CTNNA3: variants seen among roughly 807,000 people sequenced by gnomAD.
CTNNA3 encodes the protein catenin alpha 3.
Under a neutral mutation model 95.7 loss-of-function variants are expected in CTNNA3, and 76 were observed. The ratio of observed to expected loss-of-function variants is 0.79; its 90% CI spans 0.66 to 0.96. The LOEUF (loss-of-function observed/expected upper bound fraction) is 0.96, where lower values mean the gene tolerates loss of function less well. Among genes scored for constraint, CTNNA3 ranks in the 40% least tolerant of loss-of-function variants. The pLI is 0.00. For synonymous variants in CTNNA3, 431 were observed against 374.4 expected (o/e 1.15, Z -1.74); for missense variants, 1,191 against 1,089.8 (o/e 1.09, Z -1.31).
intron 13 of CTNNA3, among the ~76,000 whole-genome samples, chr10:66,155,508 C>T (rs1442761353): frequency 6.6e-6 from 1 of 151,754 alleles, no homozygotes; most frequent in Non-Finnish European, 1.5e-5. Flanking sequence ...CTAAAAATGG[C>T]AAACTGATCA....
chr10:66,760,587 T>G (rs1393102209), intron 9 of CTNNA3, among the ~76,000 whole-genome samples: 1 of 152,180 alleles, frequency 6.6e-6, no homozygotes, highest in African/African-American at 2.4e-5. Flanking sequence ...TCTAAGACAC[T>G]AACATTCCAT....
At chr10:67,422,791 G>A (rs1845792054) in intron 5 of CTNNA3, among the ~76,000 whole-genome samples, 1 of 152,104 alleles carries the variant, frequency 6.6e-6, no homozygotes, top group Non-Finnish European at 1.5e-5. Flanking sequence ...TGTACAGCCT[G>A]TGGAACTGTG....
chr10:67,426,559 GA>G (rs1490268825), intron 5 of CTNNA3, among the ~76,000 whole-genome samples: 1 of 151,970 alleles, frequency 6.6e-6, no homozygotes, highest in African/African-American at 2.4e-5. Flanking sequence ...CACAAGGACA[GA>G]AAACCAAACA....
intron 5 of CTNNA3, among the ~76,000 whole-genome samples, chr10:67,385,690 G>T (rs578240159): frequency 1.3e-5 from 2 of 152,058 alleles, no homozygotes; most frequent in South Asian, 2.1e-4. Flanking sequence ...CTAAACCAAG[G>T]CTGCATGTGA....
At chr10:66,643,781 T>C (rs1281114252) in intron 9 of CTNNA3, among the ~76,000 whole-genome samples, 3 of 152,234 alleles carry the variant, frequency 2.0e-5, no homozygotes, top group East Asian at 3.8e-4. Flanking sequence ...ATAAAAGACA[T>C]ATCCCTTCTC....
At chr10:65,990,502 A>C (rs978529601) in intron 15 of CTNNA3, among the ~76,000 whole-genome samples, 1 of 150,964 alleles carries the variant, frequency 6.6e-6, no homozygotes, top group Non-Finnish European at 1.5e-5. Context: ...GCATGTTTTC[A>C]TATACCTATT....
At chr10:66,114,022 A>G (rs1020034922) in intron 13 of CTNNA3, among the ~76,000 whole-genome samples, 1 of 152,186 alleles carries the variant, frequency 6.6e-6, no homozygotes, top group Non-Finnish European at 1.5e-5. Flanking sequence ...CAACAGTAGC[A>G]GCAGATGGCT....
At chr10:67,734,827 T>C (rs145056374) in intron 1 of CTNNA3, among the ~76,000 whole-genome samples, 28 of 152,298 alleles carry the variant, frequency 1.8e-4, no homozygotes, top group African/African-American at 5.8e-4. Flanking sequence ...TTTATAACCA[T>C]GGAGAATTAT....
In CTNNA3 at chr10:66,883,011, G is replaced by A. The variant is rs191880615; in HGVS notation, c.1048-107487C>T. On this transcript the variant is annotated intron_variant, in intron 7 of 17. Coordinates refer to ENST00000433211, the MANE Select transcript of CTNNA3 (RefSeq NM_013266.4). ...AATTAAATCAGAATCTCTGGGGTGG[G>A]ACCAGGCCTCAGGAATTTTTTAAGA... is the stretch of plus-strand genomic sequence containing the variant. Among the ~76,000 whole-genome samples the A allele has an allele frequency of 3.0e-3, 461 of 152,088 alleles. 2 individuals carry two copies. The highest frequency in any genetic ancestry group is 5.8e-3 in the Non-Finnish European group (395 of 67,968).
chr10:66,653,491 T>C (rs530538139), intron 9 of CTNNA3, among the ~76,000 whole-genome samples: 22 of 152,198 alleles, frequency 1.4e-4, no homozygotes, highest in African/African-American at 5.1e-4. Context: ...TGTTCAATGA[T>C]TAAAAGAGTT....
At chr10:67,671,309 T>C (rs1589555165) in intron 1 of CTNNA3, among the ~76,000 whole-genome samples, 1 of 152,172 alleles carries the variant, frequency 6.6e-6, no homozygotes, top group East Asian at 1.9e-4. Flanking sequence ...AGCAGAACTA[T>C]AGAAAGAACT....
At chr10:66,526,312 A>G (rs1841257846) in intron 10 of CTNNA3, among the ~76,000 whole-genome samples, 2 of 152,182 alleles carry the variant, frequency 1.3e-5, no homozygotes, top group African/African-American at 2.4e-5. Flanking sequence ...CAGCCTCCCA[A>G]GTAGCTGGGA....
At chr10:66,043,958 G>C (rs1160896157) in intron 15 of CTNNA3, among the ~76,000 whole-genome samples, 1 of 12,968 alleles carries the variant, frequency 7.7e-5, no homozygotes, top group Non-Finnish European at 1.9e-4. Context: ...GGACTATGCT[G>C]TGTGTGTGTG....
intron 7 of CTNNA3, among the ~76,000 whole-genome samples, chr10:66,988,311 G>A (rs1289441063): frequency 1.2e-4 from 19 of 152,080 alleles, no homozygotes; most frequent in Non-Finnish European, 7.4e-5. Context: ...TTTGAATTTA[G>A]CTCATTTGGA....
At chr10:67,599,030 G>C (rs1242954272) in intron 3 of CTNNA3, among the ~76,000 whole-genome samples, 2 of 152,286 alleles carry the variant, frequency 1.3e-5, no homozygotes, top group Middle Eastern at 3.4e-3. Flanking sequence ...TTTAAAGTTT[G>C]AATCCTGCAA....
At chr10:66,198,395 A>G (rs1382684055) in intron 13 of CTNNA3, among the ~76,000 whole-genome samples, 2 of 152,172 alleles carry the variant, frequency 1.3e-5, no homozygotes, top group African/African-American at 4.8e-5. Context: ...TATAAGAGGA[A>G]TCTACCTGAT....
intron 3 of CTNNA3, among the ~76,000 whole-genome samples, chr10:67,591,936 G>C (rs1449136379): frequency 6.6e-6 from 1 of 151,996 alleles, no homozygotes; most frequent in African/African-American, 2.4e-5. Flanking sequence ...ACAGGGATGG[G>C]TCCCCAGTGA....
At chr10:66,857,989 C>G (rs1843747820) in intron 7 of CTNNA3, among the ~76,000 whole-genome samples, 2 of 152,020 alleles carry the variant, frequency 1.3e-5, no homozygotes, top group African/African-American at 4.8e-5. Flanking sequence ...TTCTAGTTTT[C>G]AAGGGAAATG....
chr10:67,450,404 G>C (rs1021931393), intron 5 of CTNNA3, among the ~76,000 whole-genome samples: 3 of 152,052 alleles, frequency 2.0e-5, no homozygotes, highest in Admixed American at 2.0e-4. Flanking sequence ...CGGTAGGCTG[G>C]ATAAAGAAAA....
Sources: gnomAD v4.1 joint callset for allele counts (sites outside exome capture counted in the v4.1 genomes callset) on GRCh38, gnomAD v4.1.1 for gene constraint, MANE v1.5 for transcripts, NCBI Gene and HGNC (gene_info 2026-07-23, HGNC 2026-07-21) for gene names.